CUL9: variants seen among roughly 807,000 people sequenced by gnomAD.
The protein encoded by CUL9 is cullin 9, also known as cullin-9.
Under a neutral mutation model 272.6 loss-of-function variants are expected in CUL9, and 79 were observed. The ratio of observed to expected loss-of-function variants is 0.29; its 90% CI spans 0.24 to 0.35. The LOEUF (loss-of-function observed/expected upper bound fraction) is 0.35, where lower values mean the gene tolerates loss of function less well. CUL9 is among the 10% of genes least tolerant of loss of function. The probability of loss-of-function intolerance (pLI) is 1.00; values close to 1 mark genes in which losing one functional copy is unlikely to be tolerated. For missense variants in CUL9, 2,532 were observed against 3,255.6 expected (o/e 0.78, Z 5.41); for synonymous variants, 1,186 against 1,286.5 (o/e 0.92, Z 1.67).
intron 1 of CUL9, among the ~76,000 whole-genome samples, chr6:43,182,832 G>T (rs547404979): frequency 9.9e-5 from 15 of 152,110 alleles, no homozygotes; most frequent in African/African-American, 3.6e-4. Flanking sequence ...ACTATTCCCT[G>T]TTGCCCCTGC....
rs1433608003 is a variant in CUL9 at position 43,202,830 on chromosome 6, C to G, written c.3753+9C>G. On this transcript the variant is annotated intron_variant, in intron 17 of 40. Coordinates refer to ENST00000252050, the MANE Select transcript of CUL9 (RefSeq NM_015089.4). Reference sequence around the variant, plus strand: ...GCACTGAGCTCAACACGGTGGGGACCCTTGTGCCCACCTTCACCTTGCTCC... The same window carrying G: ...GCACTGAGCTCAACACGGTGGGGACGCTTGTGCCCACCTTCACCTTGCTCC... 1 of 1,608,168 alleles carries G rather than the reference C, an allele frequency of 6.2e-7. No individual in the cohort carries two copies. The highest frequency in any genetic ancestry group is 8.5e-7 in the Non-Finnish European group (1 of 1,174,774).
In CUL9 at chr6:43,206,470, C is replaced by G. The variant is rs781114971; in HGVS notation, c.5172C>G (p.Phe1724Leu). 32 of 1,614,106 alleles carry G rather than the reference C, an allele frequency of 2.0e-5. No homozygotes were observed. Among genetic ancestry groups the G allele is most frequent in the Admixed American group, 3.3e-5 (2 of 60,004 alleles). The change falls in exon 26 of 41, where the codon TTC becomes TTG. Residue 1724 changes from phenylalanine to leucine, a missense_variant. Physicochemically the swap from Phe to Leu is conservative, Grantham distance 22 (BLOSUM62 0). Transcript: ENST00000252050. This position sits in a 1 kb window ranked among gnomAD's most constrained non-coding sequence, Gnocchi z 4.8. The stretch of plus-strand genomic sequence containing the variant: ...CCAGAAAGTGCCTTCCCACAGAATT[C>G]TGTGATGCCCTTGACCGTTTCTCCA... ...YHPRKCLPTEFCDALDRFSSF... is the reference protein window; with the variant it reads ...YHPRKCLPTELCDALDRFSSF...
At chr6:43,204,259 C>A in intron 20 of CUL9, 101 bp from the exon 21 acceptor site, 1 of 1,444,956 alleles carries the variant, frequency 6.9e-7, no homozygotes, top group South Asian at 1.3e-5. Flanking sequence ...CCCACTACCC[C>A]TCAAGCCTTT....
chr6:43,197,967 G>C (rs1311848600), intron 11 of CUL9, among the ~76,000 whole-genome samples: 2 of 152,222 alleles, frequency 1.3e-5, no homozygotes, highest in Non-Finnish European at 2.9e-5. Flanking sequence ...GTGGCCAGGT[G>C]CAATAGCTCA....
Position 43,206,184 on chromosome 6 carries a change from G to A in CUL9, c.4971G>A (p.Lys1657=). ...FHLFQLQRLD[K]LFLEQEDEEE... ...TCTTCCAGCTCCAGCGGCTCGACAA[G>A]TTGTTCTTGGAGCAGGAAGATGAGG... Residue 1657 remains lysine, a synonymous_variant, in exon 25 of 41, where the codon AAG becomes AAA. Coordinates refer to ENST00000252050, the MANE Select transcript of CUL9 (RefSeq NM_015089.4). This position sits in a 1 kb window ranked among gnomAD's most constrained non-coding sequence, Gnocchi z 4.8. 1.9e-6 allele frequency: 3 copies of A among 1,613,376 alleles called. No individual in the cohort carries two copies. Among genetic ancestry groups the A allele is most frequent in the Non-Finnish European group, 2.5e-6 (3 of 1,179,694 alleles).
In CUL9 at chr6:43,213,503, C is replaced by A. The variant is rs750104441; in HGVS notation, c.5424C>A (p.Leu1808=). The change falls in exon 28 of 41, where the codon CTC becomes CTA. Residue 1808 remains leucine, a synonymous_variant. Transcript: ENST00000252050. The surrounding 1 kb of genome is among the most constrained non-coding windows in gnomAD (Gnocchi z 5.7). Reference sequence around the variant, plus strand: ...CCCCAGAGCTGCTGCTCCAGGCACTCGTGCCCCTCACCTCAGGGAATGGCC... The same window carrying A: ...CCCCAGAGCTGCTGCTCCAGGCACTAGTGCCCCTCACCTCAGGGAATGGCC... ...DLSPELLLQA[L]VPLTSGNGPL... is the part of the protein sequence containing the mutation. 6 of 1,613,906 alleles carry A rather than the reference C, an allele frequency of 3.7e-6. No individual in the cohort carries two copies. Among genetic ancestry groups the A allele is most frequent in the Non-Finnish European group, 5.1e-6 (6 of 1,180,020 alleles).
rs777401302 is a variant in CUL9 at position 43,216,206 on chromosome 6, C to T, written c.5985C>T (p.Arg1995=). 30 of 1,613,266 alleles carry T rather than the reference C, an allele frequency of 1.9e-5. 1 individual carries two copies. In the Admixed American group the frequency reaches 4.8e-4, roughly 26 times the overall value. The change falls in exon 31 of 41, where the codon CGC becomes CGT. Residue 1995 remains arginine, a synonymous_variant. Coordinates refer to ENST00000252050, the MANE Select transcript of CUL9 (RefSeq NM_015089.4). The stretch of plus-strand genomic sequence containing the variant: ...CATCTCTACAGCTGCCTGCAGGCCG[C>T]ACCATGAGCCCCCAGGAAGTAGAAG... ...TLASLQLPAG[R]TMSPQEVEGL...
At position 43,200,188 on chromosome 6, in the gene CUL9, G is replaced by T. The variant is rs1774393265; in HGVS notation, c.3384+32G>T. 2.5e-6 allele frequency: 4 copies of T among 1,589,442 alleles called. No individual in the cohort carries two copies. Among genetic ancestry groups the T allele is most frequent in the Admixed American group, 1.7e-5 (1 of 58,994 alleles). On this transcript the variant is annotated intron_variant, in intron 14 of 40. Coordinates refer to ENST00000252050, the MANE Select transcript of CUL9 (RefSeq NM_015089.4). The surrounding 1 kb of genome is among the most constrained non-coding windows in gnomAD (Gnocchi z 4.0). The stretch of plus-strand genomic sequence containing the variant: ...AGCGGCTGTGGGTATGCAGCTGAGA[G>T]AATGCAAGTCAGAAGCAGGAGAAGG...
In CUL9 at chr6:43,186,207, C is replaced by G; in HGVS notation, c.1003C>G (p.Arg335Gly). 2 of 1,614,246 alleles carry G rather than the reference C, an allele frequency of 1.2e-6. No individual in the cohort carries two copies. Among genetic ancestry groups the G allele is most frequent in the Non-Finnish European group, 1.7e-6 (2 of 1,180,046 alleles). Residue 335 changes from arginine (R) to glycine (G), a missense_variant, in exon 4 of 41, where the codon CGG (arginine) becomes GGG (glycine). Arg to Gly is a moderately radical substitution (Grantham distance 125). Around this residue, in one of 3 missense-constraint regions of CUL9, gnomAD observed 2,218 missense variants for 2,788.6 expected, o/e 0.80. Transcript: ENST00000252050. ...EQGMSPPRPTRSIFQPYISGP... is the reference protein window; with the variant it reads ...EQGMSPPRPTGSIFQPYISGP... Reference sequence around the variant, plus strand: ...GGGCATGTCACCTCCCCGGCCAACCCGGTCCATCTTTCAGCCCTACATTTC... The same window carrying G: ...GGGCATGTCACCTCCCCGGCCAACCGGGTCCATCTTTCAGCCCTACATTTC...
chr6:43,215,361 G>T, intron 30 of CUL9, 35 bp downstream of exon 30: 1 of 1,561,376 alleles, frequency 6.4e-7, no homozygotes. Context: ...CAGTGAGGCG[G>T]GAGAGGTGGT....
Position 43,185,678 on chromosome 6 carries a change from A to G in CUL9, c.750+68A>G. 4 of 1,527,084 alleles carry G rather than the reference A, an allele frequency of 2.6e-6. No homozygotes were observed. In the African/African-American group the frequency reaches 4.1e-5, roughly 16 times the overall value. 94.6% of individuals were successfully genotyped at this position (1,527,084 alleles called of 1,614,324 possible). A position where few individuals can be genotyped will look rare whatever the true frequency, so the allele number is the denominator to read the frequency against. Reference sequence around the variant, plus strand: ...GACATTATTTATGAAAACGTGGTTCAGGACTGAATGTTAGCACCAGAGCCA... The same window carrying G: ...GACATTATTTATGAAAACGTGGTTCGGGACTGAATGTTAGCACCAGAGCCA... On this transcript the variant is annotated intron_variant, in intron 3 of 40. Coordinates refer to ENST00000252050, the MANE Select transcript of CUL9 (RefSeq NM_015089.4).
At chr6:43,202,682 C>T in intron 16 of CUL9, 34 bp from the exon 17 acceptor site, 2 of 1,590,142 alleles carry the variant, frequency 1.3e-6, no homozygotes, top group Non-Finnish European at 1.7e-6. Flanking sequence ...CGTCCAGAGG[C>T]CCAGCTTTGA....
chr6:43,211,458 T>C (rs2150609718), intron 26 of CUL9, among the ~76,000 whole-genome samples: 1 of 152,252 alleles, frequency 6.6e-6, no homozygotes, highest in African/African-American at 2.4e-5. Flanking sequence ...CTTGGGAGGC[T>C]GAGGCAGGAG....
chr6:43,199,332 C>T lies in CUL9; in HGVS notation c.3117C>T (p.Pro1039=), dbSNP rs768137665. Reference sequence around the variant, plus strand: ...TCCCCTGGCACGAGGTCTTGGAGCCCTGCCTCAACTGCCTGAGTGGCCCTA... The same window carrying T: ...TCCCCTGGCACGAGGTCTTGGAGCCTTGCCTCAACTGCCTGAGTGGCCCTA... The part of the protein sequence containing the change: ...MVLPWHEVLE[P]CLNCLSGPSS... Residue 1039 remains proline, a synonymous_variant, in exon 13 of 41, where the codon CCC becomes CCT. Coordinates refer to ENST00000252050, the MANE Select transcript of CUL9 (RefSeq NM_015089.4). The surrounding 1 kb of genome is among the most constrained non-coding windows in gnomAD (Gnocchi z 4.4). 26 of 1,613,478 alleles carry T rather than the reference C, an allele frequency of 1.6e-5. No individual in the cohort carries two copies. Among genetic ancestry groups the T allele is most frequent in the Non-Finnish European group, 2.1e-5 (25 of 1,179,600 alleles).
At position 43,200,563 on chromosome 6, in the gene CUL9, C is replaced by A. The variant is rs777207036; in HGVS notation, c.3475+37C>A. On this transcript the variant is annotated intron_variant, in intron 15 of 40. Transcript: ENST00000252050. This position sits in a 1 kb window ranked among gnomAD's most constrained non-coding sequence, Gnocchi z 4.0. Reference sequence around the variant, plus strand: ...CATCTGCTTTCTCCTGGCTCCCATCCAGTGTCTGTTCTCCCCTTCCCTTCC... The same window carrying A: ...CATCTGCTTTCTCCTGGCTCCCATCAAGTGTCTGTTCTCCCCTTCCCTTCC... 6.2e-7 allele frequency: 1 copy of A among 1,614,114 alleles called. No homozygotes were observed. Among genetic ancestry groups the A allele is most frequent in the Non-Finnish European group, 8.5e-7 (1 of 1,179,984 alleles).
At position 43,220,587 on chromosome 6, in the gene CUL9, G is replaced by C. The variant is rs368357324; in HGVS notation, c.6411G>C (p.Glu2137Asp). 2 of 1,614,112 alleles carry C rather than the reference G, an allele frequency of 1.2e-6. No homozygotes were observed. Among genetic ancestry groups the C allele is most frequent in the Non-Finnish European group, 1.7e-6 (2 of 1,180,000 alleles). ...AFIRAIVSSP[E>D]VISKYEKALL... ...TTCGTGCCATCGTCTCCTCGCCAGA[G>C]GTCATCTCCAAGGTATCCCCTCTCG... The change falls in exon 32 of 41, where the codon GAG (glutamate) becomes GAC (aspartate). Residue 2137 changes from glutamate to aspartate, a missense_variant. By Grantham distance (45) the Glu-to-Asp change is conservative (BLOSUM62 2). This residue lies in a region of CUL9 where 2,218 missense variants were observed against 2,788.6 expected (regional missense o/e 0.80). Coordinates refer to ENST00000252050, the MANE Select transcript of CUL9 (RefSeq NM_015089.4). The surrounding 1 kb of genome is among the most constrained non-coding windows in gnomAD (Gnocchi z 4.9).
Position 43,206,062 on chromosome 6 carries a change from G to A in CUL9, c.4849G>A (p.Val1617Met), listed in dbSNP as rs1156564286. 1.9e-6 allele frequency: 3 copies of A among 1,614,182 alleles called. No individual in the cohort carries two copies. Among genetic ancestry groups the A allele is most frequent in the South Asian group, 1.1e-5 (1 of 91,086 alleles). Residue 1617 changes from valine (V) to methionine (M), a missense_variant, in exon 25 of 41, where the codon GTG becomes ATG. Val to Met is a conservative substitution (Grantham distance 21). Transcript: ENST00000252050. This position sits in a 1 kb window ranked among gnomAD's most constrained non-coding sequence, Gnocchi z 4.8. ...TGGTTCGAGCTGGCTGGAGGGGGCTGTGCTAGAGCAGATTGGCCTCTGTTT... is the reference window on the plus strand; with the variant it reads ...TGGTTCGAGCTGGCTGGAGGGGGCTATGCTAGAGCAGATTGGCCTCTGTTT... ...SFGSSWLEGAVLEQIGLCFPN... is the reference protein window; with the variant it reads ...SFGSSWLEGAMLEQIGLCFPN...
rs562591875 is a variant in CUL9 at position 43,218,378 on chromosome 6, G to A, written c.6282+1875G>A. Among the ~76,000 whole-genome samples, 3 of 152,006 alleles carry A rather than the reference G, an allele frequency of 2.0e-5. No individual in the cohort carries two copies. Among genetic ancestry groups the A allele is most frequent in the African/African-American group, 7.2e-5 (3 of 41,480 alleles). ...ACTATAGGCGCCCGCCACCGCGCCC[G>A]GCTAATTTTTTGCATTTTTAGTAGA... On this transcript the variant is annotated intron_variant, in intron 31 of 40. Coordinates refer to ENST00000252050, the MANE Select transcript of CUL9 (RefSeq NM_015089.4). This position sits in a 1 kb window ranked among gnomAD's most constrained non-coding sequence, Gnocchi z 4.4.
In CUL9 at chr6:43,220,514, G is replaced by T; in HGVS notation, c.6338G>T (p.Cys2113Phe). The change falls in exon 32 of 41, where the codon TGC becomes TTC. Residue 2113 changes from cysteine (C) to phenylalanine (F), a missense_variant. Coordinates refer to ENST00000252050, the MANE Select transcript of CUL9 (RefSeq NM_015089.4). The surrounding 1 kb of genome is among the most constrained non-coding windows in gnomAD (Gnocchi z 4.9). ...TRIEQNLVLN[C>F]TCPIADCPAQ... Reference sequence around the variant, plus strand: ...ATCGAGCAGAACCTTGTTTTGAATTGCACCTGCCCCATTGCCGACTGCCCC... The same window carrying T: ...ATCGAGCAGAACCTTGTTTTGAATTTCACCTGCCCCATTGCCGACTGCCCC... 6.2e-7 allele frequency: 1 copy of T among 1,614,092 alleles called. No individual in the cohort carries two copies. The highest frequency in any genetic ancestry group is 8.5e-7 in the Non-Finnish European group (1 of 1,180,004).
Sources: allele counts gnomAD v4.1 joint callset (sites outside exome capture counted in the v4.1 genomes callset), GRCh38; gene constraint gnomAD v4.1.1; regional missense constraint gnomAD v4.1.1; non-coding constraint Gnocchi (gnomAD v3.1); transcripts MANE v1.5; gene names NCBI Gene and HGNC (gene_info 2026-07-23, HGNC 2026-07-21).